Variants in FMNL2 observed in about 807,000 individuals in gnomAD.
FMNL2 encodes formin like 2, also known as formin-like protein 2.
A neutral mutation model predicts 130.2 loss-of-function variants in FMNL2; 51 were observed. The ratio of observed to expected loss-of-function variants is 0.39; its 90% confidence interval spans 0.31 to 0.49. The LOEUF (loss-of-function observed/expected upper bound fraction) is 0.49. Among genes scored for constraint, FMNL2 ranks in the 20% least tolerant of loss-of-function variants. The pLI, the probability that FMNL2 is intolerant of heterozygous loss-of-function variation, is 0.85. For synonymous variants in FMNL2, 465 were observed against 467.1 expected, an observed-to-expected ratio of 1.00 and a Z score of 0.06; for missense variants, 977 against 1,316.2, an observed-to-expected ratio of 0.74 and a Z score of 3.99.
chr2:152,602,281 G>A (rs529849806), intron 9 of FMNL2, among the ~76,000 whole-genome samples: 2 of 152,252 alleles, frequency 1.3e-5, no homozygotes, highest in African/African-American at 4.8e-5. Flanking sequence ...AACTGGGATC[G>A]TGAATTTATT....
intron 1 of FMNL2, among the ~76,000 whole-genome samples, chr2:152,340,960 G>T (rs562418768): frequency 6.6e-6 from 1 of 152,284 alleles, no homozygotes; most frequent in African/African-American, 2.4e-5. Flanking sequence ...AGAGTGCTGG[G>T]ATTACAGGTG....
chr2:152,486,045 G>T (rs1690807834), intron 1 of FMNL2, among the ~76,000 whole-genome samples: 1 of 152,074 alleles, frequency 6.6e-6, no homozygotes, highest in Non-Finnish European at 1.5e-5. Context: ...CCAGAACTTG[G>T]GTATCTTGAG....
intron 1 of FMNL2, among the ~76,000 whole-genome samples, chr2:152,344,525 A>G (rs1235779090): frequency 1.3e-5 from 2 of 152,244 alleles, no homozygotes; most frequent in African/African-American, 4.8e-5. Flanking sequence ...GAAAAAATAC[A>G]GAAGAAAAGG....
intron 9 of FMNL2, among the ~76,000 whole-genome samples, chr2:152,590,583 C>T (rs1697374891): frequency 6.6e-6 from 1 of 151,788 alleles, no homozygotes; most frequent in African/African-American, 2.4e-5. Flanking sequence ...CACTGCATTC[C>T]AGCCTAGGTG....
At chr2:152,362,053 G>A (rs1683211507) in intron 1 of FMNL2, among the ~76,000 whole-genome samples, 2 of 152,186 alleles carry the variant, frequency 1.3e-5, no homozygotes, top group African/African-American at 4.8e-5. Context: ...TATAAGCACT[G>A]TTAATATTTT....
intron 1 of FMNL2, among the ~76,000 whole-genome samples, chr2:152,475,846 G>A (rs1256163719): frequency 6.6e-6 from 1 of 152,152 alleles, no homozygotes; most frequent in East Asian, 1.9e-4. Context: ...GCAAGTTGGT[G>A]AGGTGATGAA....
intron 1 of FMNL2, among the ~76,000 whole-genome samples, chr2:152,425,981 A>G (rs1687181732): frequency 6.6e-6 from 1 of 152,230 alleles, no homozygotes; most frequent in Non-Finnish European, 1.5e-5. Context: ...GGTAGGTTGA[A>G]TATCTCCTCT....
intron 1 of FMNL2, among the ~76,000 whole-genome samples, chr2:152,372,644 G>A (rs1018592793): frequency 6.6e-6 from 1 of 152,174 alleles, no homozygotes; most frequent in African/African-American, 2.4e-5. Context: ...CCTTGGCAGG[G>A]TCTGTATGGC....
At chr2:152,463,938 A>G (rs1689384977) in intron 1 of FMNL2, among the ~76,000 whole-genome samples, 2 of 151,690 alleles carry the variant, frequency 1.3e-5, no homozygotes, top group East Asian at 1.9e-4. Flanking sequence ...GTGTGTGTGT[A>G]TGTGTGTGTT....
chr2:152,623,835 C>A (rs561058778), intron 15 of FMNL2, among the ~76,000 whole-genome samples: 4 of 151,634 alleles, frequency 2.6e-5, no homozygotes, highest in Non-Finnish European at 4.4e-5. Context: ...TTGGCATATT[C>A]CCGCACAGTG....
At chr2:152,489,369 A>G (rs1417980870) in intron 1 of FMNL2, among the ~76,000 whole-genome samples, 1 of 152,234 alleles carries the variant, frequency 6.6e-6, no homozygotes, top group Non-Finnish European at 1.5e-5. Flanking sequence ...TCTGTGTGCC[A>G]CTTAACAGTA....
intron 1 of FMNL2, among the ~76,000 whole-genome samples, chr2:152,354,847 G>A (rs1682697207): frequency 6.6e-6 from 1 of 152,126 alleles, no homozygotes. Context: ...ACCCTTAAGG[G>A]TTCTTAAATT....
At position 152,549,066 on chromosome 2, in the gene FMNL2, C is replaced by G. The variant is rs189416564; in HGVS notation, c.328C>G (p.Leu110Val). 2,663 of 1,610,452 alleles carry G rather than the reference C, an allele frequency of 1.7e-3. 5 individuals carry two copies. Among genetic ancestry groups the G allele is most frequent in the Middle Eastern group, 2.8e-3 (17 of 6,042 alleles). The change falls in exon 4 of 26, where the codon CTG becomes GTG. Residue 110 changes from leucine (L) to valine (V), a missense_variant. Coordinates refer to ENST00000288670, the MANE Select transcript of FMNL2 (RefSeq NM_052905.4). ...VQESTQVLRE[L>V]EISLRTNHIG... is the part of the protein sequence containing the mutation. Reference sequence around the variant, plus strand: ...AGAATCTACACAAGTGCTAAGAGAACTGGAAATTTCTTTGAGAACTAACCA... The same window carrying G: ...AGAATCTACACAAGTGCTAAGAGAAGTGGAAATTTCTTTGAGAACTAACCA...
chr2:152,389,930 T>A, intron 1 of FMNL2: 1 of 1,101,348 alleles, frequency 9.1e-7, no homozygotes, highest in Non-Finnish European at 1.4e-6. Flanking sequence ...GTGGCCGGGC[T>A]GGCCAAGGAA....
intron 1 of FMNL2, among the ~76,000 whole-genome samples, chr2:152,479,429 G>A (rs905972669): frequency 6.6e-6 from 1 of 152,200 alleles, no homozygotes; most frequent in African/African-American, 2.4e-5. Context: ...ACAGGAGTGA[G>A]CCACTGCTTC....
intron 1 of FMNL2, among the ~76,000 whole-genome samples, chr2:152,455,876 G>A (rs1401772292): frequency 6.6e-6 from 1 of 152,092 alleles, no homozygotes; most frequent in Non-Finnish European, 1.5e-5. Flanking sequence ...CACCACACTT[G>A]GCTTATTTTT....
intron 1 of FMNL2, among the ~76,000 whole-genome samples, chr2:152,465,832 C>T (rs1388104104): frequency 6.6e-6 from 1 of 152,190 alleles, no homozygotes; most frequent in African/African-American, 2.4e-5. Flanking sequence ...AAGGGGTTCC[C>T]TAAAACTTCC....
intron 1 of FMNL2, among the ~76,000 whole-genome samples, chr2:152,519,659 G>A (rs1579865754): frequency 6.6e-6 from 1 of 152,316 alleles, no homozygotes; most frequent in East Asian, 1.9e-4. Flanking sequence ...CTGTAAAGCT[G>A]TGCAACCTTG....
intron 9 of FMNL2, among the ~76,000 whole-genome samples, chr2:152,588,247 A>T (rs1697194631): frequency 6.6e-6 from 1 of 152,198 alleles, no homozygotes; most frequent in Admixed American, 6.5e-5. Context: ...GGCCACTTAG[A>T]TTCTTTGGCT....
Sources: allele counts gnomAD v4.1 joint callset (sites outside exome capture counted in the v4.1 genomes callset), GRCh38; gene constraint gnomAD v4.1.1; transcripts MANE v1.5; gene names NCBI Gene and HGNC (gene_info 2026-07-23, HGNC 2026-07-21).